RIT2: variants seen among roughly 807,000 people sequenced by gnomAD.
RIT2 encodes Ras like without CAAX 2, also known as GTP-binding protein Rit2.
RIT2 carries 24 observed loss-of-function variants against 23.7 expected under a neutral mutation model. The observed-to-expected ratio is 1.01, with a 90% CI of 0.73 to 1.43. RIT2 has a LOEUF of 1.43. Among genes scored for constraint, RIT2 ranks in the 40% most tolerant of loss-of-function variants. The pLI, the probability that RIT2 is intolerant of heterozygous loss-of-function variation, is 0.00. For synonymous variants in RIT2, 107 were observed against 91.1 expected, an observed-to-expected ratio of 1.17 and a Z score of -0.99; for missense variants, 236 against 266.9, an observed-to-expected ratio of 0.88 and a Z score of 0.81.
chr18:43,105,516 G>GA (rs1568083864), intron 1 of RIT2, among the ~76,000 whole-genome samples: 22 of 151,048 alleles, frequency 1.5e-4, no homozygotes, highest in Admixed American at 2.6e-4. Context: ...GAGGGAGGGA[G>GA]GGAATGAGCA....
In RIT2 at chr18:43,115,415, AC is replaced by A; in HGVS notation, c.103+1del. Reference sequence around the variant, plus strand: ...TCCCCAGCATTTGGTGTGAAAACTTACCGCTTTTACCAACTCCCCCTGCTCC... The same window carrying A: ...TCCCCAGCATTTGGTGTGAAAACTTACGCTTTTACCAACTCCCCCTGCTCC... On this transcript the variant is annotated splice_donor_variant, in intron 1 of 4. Coordinates refer to ENST00000326695, the MANE Select transcript of RIT2 (RefSeq NM_002930.4). LOFTEE classifies it high-confidence loss of function. 6.2e-7 allele frequency: 1 copy of A among 1,612,890 alleles called. No individual in the cohort carries two copies. The highest frequency in any genetic ancestry group is 8.5e-7 in the Non-Finnish European group (1 of 1,179,548).
intron 1 of RIT2, among the ~76,000 whole-genome samples, chr18:43,089,590 T>C (rs199806445): frequency 1.5e-5 from 2 of 129,902 alleles, no homozygotes; most frequent in African/African-American, 2.8e-5. Context: ...CAAAAAAAAA[T>C]AAAAAAAAAA....
intron 4 of RIT2, among the ~76,000 whole-genome samples, chr18:42,872,733 T>G (rs1434265326): frequency 2.0e-5 from 3 of 152,198 alleles, no homozygotes; most frequent in Admixed American, 1.3e-4. Context: ...ACATAATTAC[T>G]TAGTAATGGG....
chr18:43,030,248 G>T (rs1911823331), intron 2 of RIT2, among the ~76,000 whole-genome samples: 1 of 152,058 alleles, frequency 6.6e-6, no homozygotes. Flanking sequence ...GAAGTCAAAA[G>T]AGGCGCTCTT....
intron 2 of RIT2, among the ~76,000 whole-genome samples, chr18:43,021,569 G>T (rs114309001): frequency 0.013 from 2,019 of 152,176 alleles, 44 homozygotes; most frequent in African/African-American, 0.046. Flanking sequence ...CTCATGAATG[G>T]TTTAGCACCA....
chr18:42,909,597 T>C (rs998778155), intron 4 of RIT2, among the ~76,000 whole-genome samples: 3 of 151,866 alleles, frequency 2.0e-5, no homozygotes, highest in Non-Finnish European at 4.4e-5. Context: ...CCAATAAATC[T>C]CAGAAATCAC....
intron 2 of RIT2, among the ~76,000 whole-genome samples, chr18:42,997,419 A>T (rs2144236997): frequency 6.7e-6 from 1 of 148,554 alleles, no homozygotes; most frequent in African/African-American, 2.5e-5. Context: ...GAAAGAAAAG[A>T]AAAAAAACAA....
intron 4 of RIT2, among the ~76,000 whole-genome samples, chr18:42,871,402 A>T (rs1286782832): frequency 6.6e-6 from 1 of 152,192 alleles, no homozygotes; most frequent in Non-Finnish European, 1.5e-5. Context: ...ATGCACACAC[A>T]CATATATTCT....
At chr18:42,819,488 T>G (rs1198428513) in intron 4 of RIT2, among the ~76,000 whole-genome samples, 4 of 152,088 alleles carry the variant, frequency 2.6e-5, no homozygotes, top group Admixed American at 1.3e-4. Flanking sequence ...TAAAGCAAGC[T>G]TGACTGTGTC....
intron 3 of RIT2, among the ~76,000 whole-genome samples, chr18:42,932,183 T>C (rs1241210264): frequency 6.6e-6 from 1 of 152,152 alleles, no homozygotes; most frequent in Non-Finnish European, 1.5e-5. Flanking sequence ...GTTTGTCCTC[T>C]ATAACATCAG....
At chr18:43,096,669 T>G (rs4563118) in intron 1 of RIT2, among the ~76,000 whole-genome samples, 16,660 of 151,916 alleles carry the variant, frequency 0.11, 1,239 homozygotes, top group East Asian at 0.37. Flanking sequence ...TGATTAAATA[T>G]ATTTAATAAA....
At chr18:43,025,218 A>G (rs1466242312) in intron 2 of RIT2, among the ~76,000 whole-genome samples, 1 of 147,856 alleles carries the variant, frequency 6.8e-6, no homozygotes, top group Non-Finnish European at 1.5e-5. Flanking sequence ...AAAAAAAACA[A>G]AACAAAACAA....
chr18:42,827,829 C>A (rs1004577956), intron 4 of RIT2, among the ~76,000 whole-genome samples: 1 of 151,598 alleles, frequency 6.6e-6, no homozygotes, highest in African/African-American at 2.4e-5. Context: ...CACGGTGAAA[C>A]CCCGTCTCTA....
At chr18:42,960,585 G>T (rs1910073626) in intron 3 of RIT2, among the ~76,000 whole-genome samples, 1 of 152,154 alleles carries the variant, frequency 6.6e-6, no homozygotes, top group African/African-American at 2.4e-5. Flanking sequence ...AAAGTGCTGG[G>T]ATTACAGGCG....
At chr18:42,782,882 C>T (rs748127551) in intron 4 of RIT2, among the ~76,000 whole-genome samples, 5 of 151,822 alleles carry the variant, frequency 3.3e-5, no homozygotes, top group Non-Finnish European at 7.4e-5. Context: ...CAGAGACAGG[C>T]AAAGAACAAG....
intron 4 of RIT2, among the ~76,000 whole-genome samples, chr18:42,808,804 C>A (rs1278046857): frequency 6.6e-6 from 1 of 152,024 alleles, no homozygotes; most frequent in Non-Finnish European, 1.5e-5. Context: ...AATAAAAGAT[C>A]TTAGCTCTAA....
intron 4 of RIT2, among the ~76,000 whole-genome samples, chr18:42,778,946 T>C (rs1472996280): frequency 4.6e-5 from 7 of 152,192 alleles, no homozygotes; most frequent in African/African-American, 1.7e-4. Flanking sequence ...TTCATTAAAC[T>C]CATTGACTTA....
At chr18:42,753,714 C>A (rs1339315371) in intron 4 of RIT2, among the ~76,000 whole-genome samples, 1 of 152,032 alleles carries the variant, frequency 6.6e-6, no homozygotes, top group African/African-American at 2.4e-5. Context: ...GTGGCCCGAA[C>A]TTTTTTCTAT....
chr18:42,766,692 G>A (rs1310340992), intron 4 of RIT2, among the ~76,000 whole-genome samples: 1 of 152,186 alleles, frequency 6.6e-6, no homozygotes, highest in Non-Finnish European at 1.5e-5. Context: ...ATGTCTCCAG[G>A]CCATGTCAGA....
Sources: gnomAD v4.1 joint callset for allele counts (sites outside exome capture counted in the v4.1 genomes callset) on GRCh38, gnomAD v4.1.1 for gene constraint, MANE v1.5 for transcripts, NCBI Gene and HGNC (gene_info 2026-07-23, HGNC 2026-07-21) for gene names.